The following FARP2 variants were observed in gnomAD, a reference collection of about 807,000 sequenced individuals.
FARP2 encodes the protein FERM, ARH/RhoGEF and pleckstrin domain protein 2, also known as FERM, ARHGEF and pleckstrin domain-containing protein 2.
FARP2 carries 111 observed loss-of-function variants against 130.5 expected under a neutral mutation model. That is an observed-to-expected ratio of 0.85 (90% CI 0.73 to 1.00). FARP2 has a LOEUF of 1.00. Ranked by LOEUF, FARP2 falls within the 50% of genes least tolerant of loss-of-function variation. The pLI is 0.00. For missense variants in FARP2, 1,385 were observed against 1,346.3 expected (o/e 1.03, Z -0.45); for synonymous variants, 504 against 516.9 (o/e 0.98, Z 0.34).
intron 21 of FARP2, among the ~76,000 whole-genome samples, chr2:241,486,456 C>G (rs1333747179): frequency 2.7e-5 from 2 of 74,996 alleles, no homozygotes; most frequent in Non-Finnish European, 4.8e-5. Flanking sequence ...AGTGAGACCT[C>G]GTCTCAAAAA....
intron 20 of FARP2, 138 bp from the exon 21 acceptor site, chr2:241,484,104 A>C: frequency 6.9e-7 from 1 of 1,451,388 alleles, no homozygotes; most frequent in East Asian, 2.6e-5. Context: ...AATGAATAAA[A>C]GTCCCCTTTC....
intron 8 of FARP2, among the ~76,000 whole-genome samples, chr2:241,431,010 A>G (rs991426496): frequency 4.6e-5 from 7 of 151,826 alleles, no homozygotes; most frequent in Non-Finnish European, 8.8e-5. Context: ...AAAAAAAAAA[A>G]AGAAAAAAAG....
intron 5 of FARP2, among the ~76,000 whole-genome samples, chr2:241,410,280 T>C (rs1352160035): frequency 6.6e-6 from 1 of 152,196 alleles, no homozygotes; most frequent in Non-Finnish European, 1.5e-5. Flanking sequence ...GTGTTTTCAT[T>C]GGATATTTCT....
chr2:241,492,396 C>G (rs552333129), intron 24 of FARP2, among the ~76,000 whole-genome samples: 2 of 152,326 alleles, frequency 1.3e-5, no homozygotes, highest in South Asian at 4.1e-4. Flanking sequence ...TAGGCCCGCT[C>G]CGCCATCTTA....
chr2:241,380,975 G>A (rs1329444670), intron 2 of FARP2, among the ~76,000 whole-genome samples: 1 of 152,090 alleles, frequency 6.6e-6, no homozygotes, highest in Non-Finnish European at 1.5e-5. Context: ...ACCTGGGGCA[G>A]GTTAGGACCA....
chr2:241,473,513 C>T (rs180863252), intron 18 of FARP2, among the ~76,000 whole-genome samples: 1 of 152,206 alleles, frequency 6.6e-6, no homozygotes, highest in African/African-American at 2.4e-5. Flanking sequence ...ATCGTGCCAT[C>T]AGGTCCAAAA....
chr2:241,417,925 T>C, intron 7 of FARP2, 37 bp from the exon 8 acceptor site: 1 of 1,610,602 alleles, frequency 6.2e-7, no homozygotes, highest in Non-Finnish European at 8.5e-7. Context: ...AGAAATCAAG[T>C]GTTTGTAGTG....
At chr2:241,487,666 C>A (rs199830031) in intron 21 of FARP2, among the ~76,000 whole-genome samples, 73 of 115,318 alleles carry the variant, frequency 6.3e-4, no homozygotes, top group South Asian at 1.1e-3. Flanking sequence ...GACTCCCTCT[C>A]AAAAAAAAAA....
chr2:241,420,350 A>G (rs903646750), intron 8 of FARP2, among the ~76,000 whole-genome samples: 13 of 152,254 alleles, frequency 8.5e-5, no homozygotes, highest in African/African-American at 3.1e-4. Flanking sequence ...AGAGAAAATT[A>G]TATGTGCACT....
intron 8 of FARP2, among the ~76,000 whole-genome samples, chr2:241,429,676 G>A (rs1400622364): frequency 6.6e-6 from 1 of 151,716 alleles, no homozygotes; most frequent in Admixed American, 6.6e-5. Flanking sequence ...TTGAGGCCAG[G>A]TGTTTGAGAC....
chr2:241,453,601 G>A (rs2063743652), intron 13 of FARP2, among the ~76,000 whole-genome samples: 2 of 150,290 alleles, frequency 1.3e-5, no homozygotes, highest in African/African-American at 2.4e-5. Flanking sequence ...CAGCCTGGGT[G>A]AAAGAGCGAG....
chr2:241,384,231 A>G (rs2061733197), intron 2 of FARP2, among the ~76,000 whole-genome samples: 2 of 152,156 alleles, frequency 1.3e-5, no homozygotes, highest in African/African-American at 2.4e-5. Flanking sequence ...CATGAAAAGT[A>G]TCTGTTGGCA....
intron 6 of FARP2, among the ~76,000 whole-genome samples, chr2:241,412,599 A>T (rs957722372): frequency 1.3e-5 from 2 of 152,250 alleles, no homozygotes; most frequent in South Asian, 2.1e-4. Flanking sequence ...AATTAGACAG[A>T]GACATTATTC....
intron 20 of FARP2, chr2:241,483,913 C>T: frequency 1.0e-6 from 1 of 985,458 alleles, no homozygotes; most frequent in South Asian, 4.7e-5. Context: ...CCCAGCATGT[C>T]CTTGTTCCTA....
chr2:241,441,285 T>C lies in FARP2; in HGVS notation c.1159-19T>C, dbSNP rs1018396696. The stretch of plus-strand genomic sequence containing the variant: ...GTAATTTTATATCCTTTTTTTCTTT[T>C]CTTAACTTTGGTTCCCAGAGCATCT... On this transcript the variant is annotated intron_variant, in intron 12 of 26. Coordinates refer to ENST00000264042, the MANE Select transcript of FARP2 (RefSeq NM_014808.4). 9.7e-6 allele frequency: 15 copies of C among 1,550,822 alleles called. No homozygotes were observed. Among genetic ancestry groups the C allele is most frequent in the Non-Finnish European group, 1.1e-5 (13 of 1,149,278 alleles).
chr2:241,460,131 C>T (rs968429271), intron 14 of FARP2, among the ~76,000 whole-genome samples: 2 of 152,164 alleles, frequency 1.3e-5, no homozygotes, highest in African/African-American at 4.8e-5. Context: ...GGGCCCAAGG[C>T]CAACAGTTTG....
intron 13 of FARP2, 57 bp from the exon 14 acceptor site, chr2:241,456,690 C>A: frequency 6.4e-7 from 1 of 1,574,496 alleles, no homozygotes. Context: ...CGGCTCTAAG[C>A]CAGCCTCACA....
intron 2 of FARP2, among the ~76,000 whole-genome samples, chr2:241,382,407 C>T (rs146138741): frequency 0.021 from 3,236 of 151,654 alleles, 109 homozygotes; most frequent in African/African-American, 0.068. Flanking sequence ...CCTCAGCCTC[C>T]CAAGTAGCTG....
At chr2:241,465,173 A>T (rs1459707436) in intron 17 of FARP2, among the ~76,000 whole-genome samples, 1 of 152,062 alleles carries the variant, frequency 6.6e-6, no homozygotes, top group Non-Finnish European at 1.5e-5. Context: ...TTCCATCAGG[A>T]CAGGACTCCC....
Sources: allele counts gnomAD v4.1 joint callset (sites outside exome capture counted in the v4.1 genomes callset), GRCh38; gene constraint gnomAD v4.1.1; transcripts MANE v1.5; gene names NCBI Gene and HGNC (gene_info 2026-07-23, HGNC 2026-07-21).